The following HCN1 variants were observed in gnomAD, a reference collection of about 807,000 sequenced individuals.
HCN1 encodes potassium/sodium hyperpolarization-activated cyclic nucleotide-gated channel 1.
Under a neutral mutation model 78.9 loss-of-function variants are expected in HCN1, and 13 were observed. That is an observed-to-expected ratio of 0.16 (90% CI 0.11 to 0.26). HCN1 has a LOEUF of 0.26. HCN1 is among the 10% of genes least tolerant of loss of function. HCN1 has a pLI of 1.00. For synonymous variants in HCN1, 552 were observed against 455.5 expected (o/e 1.21, Z -2.70); for missense variants, 810 against 1,154.3 (o/e 0.70, Z 4.32).
chr5:45,521,270 C>A (rs1014033294), intron 2 of HCN1, among the ~76,000 whole-genome samples: 1 of 151,890 alleles, frequency 6.6e-6, no homozygotes, highest in Non-Finnish European at 1.5e-5. Context: ...GCTTCTGGCG[C>A]CTCCCATTGG....
rs554806950 is a variant in HCN1, at chr5:45,399,709, C to T, written c.1012-2999G>A. On this transcript the variant is annotated intron_variant, in intron 3 of 7. Transcript: ENST00000303230. ...TAAACCTTGGAACTGCACATAGTTG[C>T]TAAAAAATAAAGAAAATAACTAGCC... Among the ~76,000 whole-genome samples, 11 of 152,078 alleles carry T rather than the reference C, an allele frequency of 7.2e-5. No individual in the cohort carries two copies. In the East Asian group the frequency reaches 2.1e-3, roughly 29 times the overall value.
intron 6 of HCN1, among the ~76,000 whole-genome samples, chr5:45,277,261 A>G (rs1272045433): frequency 1.3e-5 from 2 of 152,134 alleles, no homozygotes; most frequent in African/African-American, 2.4e-5. Flanking sequence ...ATATTTATCT[A>G]TAGTCAGTTT....
chr5:45,282,771 C>T (rs538088346), intron 6 of HCN1, among the ~76,000 whole-genome samples: 1 of 152,276 alleles, frequency 6.6e-6, no homozygotes, highest in African/African-American at 2.4e-5. Context: ...TTTCAATCAG[C>T]TCCAGTAATG....
At chr5:45,484,567 C>G (rs1487332785) in intron 2 of HCN1, among the ~76,000 whole-genome samples, 1 of 152,130 alleles carries the variant, frequency 6.6e-6, no homozygotes, top group Non-Finnish European at 1.5e-5. Context: ...GAGAATGTGA[C>G]AGTGAGGTCA....
At chr5:45,515,680 C>T (rs978283288) in intron 2 of HCN1, among the ~76,000 whole-genome samples, 2 of 151,952 alleles carry the variant, frequency 1.3e-5, no homozygotes, top group African/African-American at 2.4e-5. Flanking sequence ...CTACTAACGT[C>T]CCACATAGAG....
chr5:45,618,316 G>A (rs76215389), intron 2 of HCN1, among the ~76,000 whole-genome samples: 2,531 of 152,092 alleles, frequency 0.017, 65 homozygotes, highest in African/African-American at 0.057. Flanking sequence ...CCTGCTAAGA[G>A]GATGTGATAA....
chr5:45,682,189 G>T (rs1190686400), intron 1 of HCN1, among the ~76,000 whole-genome samples: 1 of 150,984 alleles, frequency 6.6e-6, no homozygotes, highest in African/African-American at 2.4e-5. Context: ...AATTTCTGTT[G>T]TTTATAATCC....
intron 1 of HCN1, among the ~76,000 whole-genome samples, chr5:45,671,630 T>C (rs532484159): frequency 9.1e-4 from 138 of 151,548 alleles, no homozygotes; most frequent in Non-Finnish European, 1.4e-3. Context: ...GATGATTACT[T>C]GTCAGATAAA....
chr5:45,303,233 C>T (rs968923616), intron 6 of HCN1, among the ~76,000 whole-genome samples: 4 of 152,066 alleles, frequency 2.6e-5, no homozygotes, highest in African/African-American at 9.7e-5. Flanking sequence ...ATTATATGGG[C>T]CGTATCAAAA....
chr5:45,260,175 C>T lies in HCN1; in HGVS notation c.*1746G>A, dbSNP rs1177182553. On this transcript the variant is annotated 3_prime_UTR_variant, in exon 8 of 8. Coordinates refer to ENST00000303230, the MANE Select transcript of HCN1 (RefSeq NM_021072.4). ...CTCAAGTCTATCTGCAGGCCCTGTC[C>T]CACATAATGTGTGATCTCTGTATGT... 4 of 152,178 alleles carry T rather than the reference C, an allele frequency of 2.6e-5. No homozygotes were observed. The highest frequency in any genetic ancestry group is 2.9e-5 in the Non-Finnish European group (2 of 68,046). The allele number at this position is 152,178 out of a possible 1,614,324, so 9.4% of individuals were successfully genotyped here. A position where few individuals can be genotyped will look rare whatever the true frequency, so the allele number is the denominator to read the frequency against.
At chr5:45,437,152 A>G (rs529803269) in intron 3 of HCN1, among the ~76,000 whole-genome samples, 13 of 152,190 alleles carry the variant, frequency 8.5e-5, no homozygotes, top group Non-Finnish European at 1.5e-4. Context: ...CAGCAAACAT[A>G]TGCTTAAATG....
At chr5:45,311,017 G>A (rs763306845) in intron 5 of HCN1, among the ~76,000 whole-genome samples, 1 of 152,106 alleles carries the variant, frequency 6.6e-6, no homozygotes, top group Non-Finnish European at 1.5e-5. Flanking sequence ...CTATCGGAGG[G>A]TGGAAGGAGG....
At chr5:45,387,199 A>G (rs1287839266) in intron 4 of HCN1, among the ~76,000 whole-genome samples, 2 of 152,010 alleles carry the variant, frequency 1.3e-5, no homozygotes, top group Non-Finnish European at 2.9e-5. Flanking sequence ...TCACAGTATC[A>G]ATATATTCTG....
intron 1 of HCN1, among the ~76,000 whole-genome samples, chr5:45,684,045 T>C (rs1329353217): frequency 1.3e-5 from 2 of 152,198 alleles, no homozygotes; most frequent in Admixed American, 6.5e-5. Flanking sequence ...ACACTGTTTT[T>C]AGTGTCTCTA....
At chr5:45,327,664 A>T (rs1185373252) in intron 5 of HCN1, among the ~76,000 whole-genome samples, 5 of 151,654 alleles carry the variant, frequency 3.3e-5, no homozygotes, top group African/African-American at 1.2e-4. Flanking sequence ...CTGAGAATGT[A>T]TTTAGATAGA....
intron 3 of HCN1, among the ~76,000 whole-genome samples, chr5:45,400,513 C>T (rs1375466203): frequency 6.6e-6 from 1 of 150,408 alleles, no homozygotes; most frequent in Non-Finnish European, 1.5e-5. Flanking sequence ...ATTCTTTTGC[C>T]TCAGCCTCCC....
intron 2 of HCN1, among the ~76,000 whole-genome samples, chr5:45,617,812 C>T (rs1744982819): frequency 7.5e-6 from 1 of 133,960 alleles, no homozygotes; most frequent in African/African-American, 2.5e-5. Context: ...CAACATCTTC[C>T]TAGCAGCAAG....
In HCN1 at chr5:45,255,812, C is replaced by A. The variant is rs547797831; in HGVS notation, c.*6109G>T. The A allele has an allele frequency of 6.6e-6, 1 of 152,004 alleles. No individual in the cohort carries two copies. Among genetic ancestry groups the A allele is most frequent in the African/African-American group, 2.4e-5 (1 of 41,472 alleles). 9.4% of individuals were successfully genotyped at this position (152,004 alleles called of 1,614,324 possible). ...CACAAATTTAACAGGAAATAAAAAC[C>A]TTTCAAGAAAGTCTCTTTGCCTCTA... On this transcript the variant is annotated 3_prime_UTR_variant, in exon 8 of 8. Transcript: ENST00000303230.
intron 2 of HCN1, among the ~76,000 whole-genome samples, chr5:45,625,317 CAAAACAAAACA>C: frequency 6.6e-6 from 1 of 151,578 alleles, no homozygotes; most frequent in Non-Finnish European, 1.5e-5. Context: ...CAAAACAAAA[CAAAACAAAACA>C]AAAAAAACTA....
Sources: allele counts gnomAD v4.1 joint callset (sites outside exome capture counted in the v4.1 genomes callset), GRCh38; gene constraint gnomAD v4.1.1; transcripts MANE v1.5; gene names NCBI Gene and HGNC (gene_info 2026-07-23, HGNC 2026-07-21).